The following WDPCP variants were observed in gnomAD, a reference collection of about 807,000 sequenced individuals.
WDPCP encodes the protein WD repeat containing planar cell polarity effector.
Under a neutral mutation model 93.1 loss-of-function variants are expected in WDPCP, and 71 were observed. That is an observed-to-expected ratio of 0.76 (90% CI 0.63 to 0.93). The LOEUF (loss-of-function observed/expected upper bound fraction) is 0.93, where lower values mean the gene tolerates loss of function less well. WDPCP is among the 40% of genes least tolerant of loss of function. The pLI is 0.00. For synonymous variants in WDPCP, 315 were observed against 315.0 expected, an observed-to-expected ratio of 1.00 and a Z score of 0.00; for missense variants, 844 against 887.4, an observed-to-expected ratio of 0.95 and a Z score of 0.62.
At chr2:63,290,511 A>G (rs1684335690) in intron 13 of WDPCP, among the ~76,000 whole-genome samples, 1 of 151,856 alleles carries the variant, frequency 6.6e-6, no homozygotes, top group Non-Finnish European at 1.5e-5. Flanking sequence ...GATTTTTAGG[A>G]CTCTTCATTC....
At chr2:63,325,713 A>T (rs1186159067) in intron 12 of WDPCP, among the ~76,000 whole-genome samples, 1 of 152,084 alleles carries the variant, frequency 6.6e-6, no homozygotes. Context: ...TTAGGGAGGG[A>T]TATATTAGCC....
intron 12 of WDPCP, among the ~76,000 whole-genome samples, chr2:63,361,591 C>T (rs150139567): frequency 6.6e-6 from 1 of 152,288 alleles, no homozygotes; most frequent in East Asian, 1.9e-4. Context: ...AAGTCTAGTG[C>T]CATCTAAACT....
intron 14 of WDPCP, among the ~76,000 whole-genome samples, chr2:63,191,972 T>C (rs556008534): frequency 5.3e-5 from 8 of 152,216 alleles, no homozygotes; most frequent in African/African-American, 1.9e-4. Context: ...AGAGGCCATA[T>C]GACTTGAGAA....
chr2:63,219,987 G>T (rs984045033), intron 14 of WDPCP, among the ~76,000 whole-genome samples: 1 of 152,026 alleles, frequency 6.6e-6, no homozygotes, highest in African/African-American at 2.4e-5. Context: ...GGGCGACAGA[G>T]TGAGGCTCTG....
intron 2 of WDPCP, among the ~76,000 whole-genome samples, chr2:63,735,670 C>T (rs1184790915): frequency 6.6e-6 from 1 of 152,040 alleles, no homozygotes; most frequent in African/African-American, 2.4e-5. Flanking sequence ...AGTGGGAAAA[C>T]CAGTTAGGAG....
At chr2:63,553,250 A>G (rs908984446) in intron 1 of WDPCP, among the ~76,000 whole-genome samples, 4 of 152,258 alleles carry the variant, frequency 2.6e-5, no homozygotes, top group Non-Finnish European at 5.9e-5. Flanking sequence ...AATTCCATTT[A>G]TGAAATATGA....
Position 63,433,909 on chromosome 2 carries a change from T to C in WDPCP, c.661A>G (p.Ile221Val), listed in dbSNP as rs571641878. 7.9e-5 allele frequency: 127 copies of C among 1,613,974 alleles called. 2 individuals carry two copies. In the South Asian group the frequency reaches 1.4e-3, roughly 17 times the overall value. The change falls in exon 9 of 18, where the codon ATA (isoleucine) becomes GTA (valine). Residue 221 changes from isoleucine (I) to valine (V), a missense_variant. Coordinates refer to ENST00000272321, the MANE Select transcript of WDPCP (RefSeq NM_015910.7). ...AGATGTCGCTCTGTTGTCTTGTTTA[T>C]TGGGCCGGGTATTTCATAATAGAAA... ...KIFYYEIPGP[I>V]NKTTERHLAI...
chr2:63,522,723 A>G (rs1403087227), intron 1 of WDPCP, among the ~76,000 whole-genome samples: 1 of 152,192 alleles, frequency 6.6e-6, no homozygotes, highest in African/African-American at 2.4e-5. Flanking sequence ...GAAATGAGTA[A>G]CTTCTTGAGA....
At chr2:63,324,977 A>G (rs188764459) in intron 12 of WDPCP, among the ~76,000 whole-genome samples, 1 of 152,326 alleles carries the variant, frequency 6.6e-6, no homozygotes, top group East Asian at 1.9e-4. Context: ...CTTGAGGGTC[A>G]ATTGATTCTA....
At chr2:63,766,835 A>AT (rs1670148352) in intron 2 of WDPCP, among the ~76,000 whole-genome samples, 1 of 152,142 alleles carries the variant, frequency 6.6e-6, no homozygotes. Context: ...TCACCACCAT[A>AT]TAACTCCATA....
intron 1 of WDPCP, among the ~76,000 whole-genome samples, chr2:63,527,959 T>G (rs1575586086): frequency 6.6e-6 from 1 of 152,110 alleles, no homozygotes; most frequent in African/African-American, 2.4e-5. Flanking sequence ...TTTGCATTTC[T>G]CTGATGGCCA....
chr2:63,780,821 A>C (rs1402723226), intron 2 of WDPCP, among the ~76,000 whole-genome samples: 1 of 152,216 alleles, frequency 6.6e-6, no homozygotes, highest in Non-Finnish European at 1.5e-5. Context: ...TGGAAGCAGT[A>C]AAGAAAATAA....
chr2:63,152,929 TTC>T lies in WDPCP; in HGVS notation c.2173_2174del (p.Glu725ArgfsTer84). ...AGTGTTTTACCTGTTCTCTGCCGTC[TTC>T]TCTCAGTTCTCCGTCTAAAGTAAAA... ...TCNAEDGELR[E>X]DGREQEIRDG... is the part of the protein sequence containing the mutation. On this transcript the variant is annotated frameshift_variant, in exon 17 of 18. Transcript: ENST00000272321. LOFTEE classifies it high-confidence loss of function. 5 of 1,612,588 alleles carry T rather than the reference TTC, an allele frequency of 3.1e-6. No homozygotes were observed. Among genetic ancestry groups the T allele is most frequent in the Non-Finnish European group, 3.4e-6 (4 of 1,178,838 alleles).
chr2:63,306,060 ACCAC>A (rs1685714489), intron 13 of WDPCP, among the ~76,000 whole-genome samples: 1 of 152,206 alleles, frequency 6.6e-6, no homozygotes, highest in African/African-American at 2.4e-5. Context: ...TAAAGGGGAT[ACCAC>A]CAATGATCAC....
chr2:63,577,829 T>C (rs1448244378), intron 1 of WDPCP, among the ~76,000 whole-genome samples: 1 of 152,186 alleles, frequency 6.6e-6, no homozygotes, highest in East Asian at 1.9e-4. Context: ...TGTATTTAAA[T>C]TTTTTAATTA....
At chr2:63,133,859 G>C (rs941593852) in intron 17 of WDPCP, among the ~76,000 whole-genome samples, 3 of 152,170 alleles carry the variant, frequency 2.0e-5, no homozygotes, top group Non-Finnish European at 4.4e-5. Flanking sequence ...AGTGGAACAA[G>C]GGTGAGCAAA....
At chr2:63,300,945 T>C (rs1255653813) in intron 13 of WDPCP, among the ~76,000 whole-genome samples, 1 of 152,032 alleles carries the variant, frequency 6.6e-6, no homozygotes, top group African/African-American at 2.4e-5. Flanking sequence ...GCATGTGGCA[T>C]TTCCAGGTCT....
intron 13 of WDPCP, among the ~76,000 whole-genome samples, chr2:63,305,916 A>G (rs1685696405): frequency 6.6e-6 from 1 of 152,244 alleles, no homozygotes; most frequent in South Asian, 2.1e-4. Flanking sequence ...ATACTGAAGG[A>G]GATAGAGACA....
At chr2:63,301,742 C>A (rs1409703562) in intron 13 of WDPCP, among the ~76,000 whole-genome samples, 1 of 151,956 alleles carries the variant, frequency 6.6e-6, no homozygotes, top group African/African-American at 2.4e-5. Context: ...CCCCCACTGT[C>A]TTCCTCTCCA....
Sources: gnomAD v4.1 joint callset for allele counts (sites outside exome capture counted in the v4.1 genomes callset) on GRCh38, gnomAD v4.1.1 for gene constraint, MANE v1.5 for transcripts, NCBI Gene and HGNC (gene_info 2026-07-23, HGNC 2026-07-21) for gene names.